HTT: variants seen among roughly 807,000 people sequenced by gnomAD.
HTT encodes the protein huntingtin.
Under a neutral mutation model 362.3 loss-of-function variants are expected in HTT, and 104 were observed. The ratio of observed to expected loss-of-function variants is 0.29; its 90% confidence interval spans 0.24 to 0.34. The LOEUF is 0.34. HTT is among the 10% of genes least tolerant of loss of function. The probability of loss-of-function intolerance (pLI) is 1.00; values close to 1 mark genes in which losing one functional copy is unlikely to be tolerated. For synonymous variants in HTT, 1,577 were observed against 1,548.7 expected (o/e 1.02, Z -0.43); for missense variants, 3,301 against 3,928.6 (o/e 0.84, Z 4.27).
Position 3,206,877 on chromosome 4 carries a change from C to T in HTT, c.5969C>T (p.Thr1990Met), listed in dbSNP as rs772994297. The change falls in exon 44 of 67, where the codon ACG becomes ATG. Residue 1990 changes from threonine to methionine, a missense_variant. Transcript: ENST00000355072. The surrounding 1 kb of genome is among the most constrained non-coding windows in gnomAD (Gnocchi z 4.6). ...IHLSQSGAVL[T>M]LYVDRLLCTP... ...CTCAGCCAGTCGGGAGCTGTGCTCA[C>T]GCTGTATGTGGACAGGCTTCTGTGC... is the stretch of plus-strand genomic sequence containing the variant. The T allele has an allele frequency of 6.2e-6, 10 of 1,613,990 alleles. No homozygotes were observed. The highest frequency in any genetic ancestry group is 1.7e-5 in the Admixed American group (1 of 60,008).
chr4:3,237,780 G>A (rs951780092), intron 64 of HTT, among the ~76,000 whole-genome samples: 22 of 152,228 alleles, frequency 1.4e-4, no homozygotes, highest in Admixed American at 3.9e-4. Flanking sequence ...CTGATGAGAC[G>A]GGAACGTGAT....
chr4:3,078,076 G>A (rs968889003), intron 1 of HTT, among the ~76,000 whole-genome samples: 1 of 152,242 alleles, frequency 6.6e-6, no homozygotes, highest in African/African-American at 2.4e-5. Context: ...CAGCATACAG[G>A]ATGCAGGAGT....
At chr4:3,165,363 C>G (rs1717649556) in intron 29 of HTT, among the ~76,000 whole-genome samples, 1 of 152,058 alleles carries the variant, frequency 6.6e-6, no homozygotes, top group Non-Finnish European at 1.5e-5. Flanking sequence ...TCATTTCAAT[C>G]TTGGTGGATC....
In HTT at chr4:3,199,780, A is replaced by T; in HGVS notation, c.5417A>T (p.Asp1806Val). The change falls in exon 41 of 67, where the codon GAT becomes GTT. Residue 1806 changes from aspartate to valine, a missense_variant. By Grantham distance (152) the Asp-to-Val change is radical. Coordinates refer to ENST00000355072, the MANE Select transcript of HTT (RefSeq NM_001388492.1). ...GCTGCCACTAGGCTGTTCCGCAGTGATGGCTGTGGCGGCAGTTTCTACACC... is the reference window on the plus strand; with the variant it reads ...GCTGCCACTAGGCTGTTCCGCAGTGTTGGCTGTGGCGGCAGTTTCTACACC... ...TAAATRLFRS[D>V]GCGGSFYTLD... The T allele has an allele frequency of 6.2e-7, 1 of 1,614,192 alleles. No homozygotes were observed. Among genetic ancestry groups the T allele is most frequent in the South Asian group, 1.1e-5 (1 of 91,080 alleles).
intron 36 of HTT, among the ~76,000 whole-genome samples, chr4:3,181,321 G>A (rs1025979745): frequency 6.6e-6 from 1 of 152,168 alleles, no homozygotes; most frequent in Non-Finnish European, 1.5e-5. Flanking sequence ...GGTCAAGATG[G>A]TAGAAACCTT....
intron 3 of HTT, among the ~76,000 whole-genome samples, chr4:3,102,409 G>T (rs921772731): frequency 5.3e-5 from 8 of 152,220 alleles, no homozygotes; most frequent in Admixed American, 4.6e-4. Context: ...CTAAATCAAG[G>T]TTTGATAAGG....
In HTT at chr4:3,075,758, T is replaced by G. The variant is rs904800404; in HGVS notation, c.263+670T>G. On this transcript the variant is annotated intron_variant, in intron 1 of 66. Coordinates refer to ENST00000355072, the MANE Select transcript of HTT (RefSeq NM_001388492.1). ...TCCTACATTGTCAGGACATTTCATT[T>G]AGTTCATGATCACGGTGGTAGTAAC... Among the ~76,000 whole-genome samples, 16 of 152,082 alleles carry G rather than the reference T, an allele frequency of 1.1e-4. 1 individual carries two copies. Among genetic ancestry groups the G allele is most frequent in the Admixed American group, 7.9e-4 (12 of 15,274 alleles).
intron 51 of HTT, 82 bp from the exon 52 acceptor site, chr4:3,217,683 G>T: frequency 1.6e-6 from 2 of 1,214,680 alleles, no homozygotes; most frequent in Non-Finnish European, 2.3e-6. Context: ...AGCTTGAGCA[G>T]CTGGTTGTAG....
intron 2 of HTT, among the ~76,000 whole-genome samples, chr4:3,098,605 A>G (rs1321145731): frequency 6.6e-6 from 1 of 152,238 alleles, no homozygotes; most frequent in South Asian, 2.1e-4. Flanking sequence ...ATGATGGCCT[A>G]AACAGCTTCT....
intron 10 of HTT, among the ~76,000 whole-genome samples, chr4:3,124,447 A>G (rs1301458845): frequency 6.6e-6 from 1 of 152,210 alleles, no homozygotes; most frequent in Non-Finnish European, 1.5e-5. Context: ...TGCCCAAATT[A>G]TAAGACAGAT....
intron 12 of HTT, 68 bp downstream of exon 12, chr4:3,127,672 G>A (rs1715586618): frequency 8.4e-7 from 1 of 1,189,234 alleles, no homozygotes; most frequent in African/African-American, 1.5e-5. Flanking sequence ...TCACTCCATA[G>A]TGCAGTGGAG....
Position 3,238,903 on chromosome 4 carries a change from C to A in HTT, c.9140C>A (p.Ala3047Asp). The A allele has an allele frequency of 6.2e-7, 1 of 1,611,602 alleles. No homozygotes were observed. The highest frequency in any genetic ancestry group is 8.5e-7 in the Non-Finnish European group (1 of 1,179,536). ...TCCCTCTCCAACTTCACGCAGAGGG[C>A]CCCGGTCGCCATGGCCACGTGGAGC... is the stretch of plus-strand genomic sequence containing the variant. ...MLSLSNFTQR[A>D]PVAMATWSLS... Residue 3047 changes from alanine (A) to aspartate (D), a missense_variant, in exon 66 of 67, where the codon GCC (alanine) becomes GAC (aspartate). Physicochemically the swap from Ala to Asp is moderately radical, Grantham distance 126. This residue lies in a region of HTT where 753 missense variants were observed against 1,021.3 expected (regional missense o/e 0.74). Transcript: ENST00000355072.
chr4:3,091,052 C>T (rs992016786), intron 2 of HTT, among the ~76,000 whole-genome samples: 2 of 152,148 alleles, frequency 1.3e-5, no homozygotes, highest in Non-Finnish European at 2.9e-5. Context: ...GTACAGGTTG[C>T]GGTGAGCCTA....
At chr4:3,152,289 G>A (rs1578541918) in intron 26 of HTT, among the ~76,000 whole-genome samples, 2 of 151,876 alleles carry the variant, frequency 1.3e-5, no homozygotes, top group African/African-American at 2.4e-5. Flanking sequence ...TAGTAGAGAC[G>A]GGGTTTCACC....
chr4:3,121,116 A>C (rs987073328), intron 8 of HTT, 112 bp from the exon 9 acceptor site: 3 of 655,984 alleles, frequency 4.6e-6, no homozygotes, highest in African/African-American at 1.8e-5. Flanking sequence ...TTAGGGGGAG[A>C]AGTTAAGGTA....
At chr4:3,136,425 A>G (rs1430629184) in intron 21 of HTT, 99 bp downstream of exon 21, 4 of 546,862 alleles carry the variant, frequency 7.3e-6, no homozygotes, top group Middle Eastern at 4.8e-4. Context: ...GTAGAGCAGT[A>G]TTCCTGAATC....
At chr4:3,099,205 A>G in intron 2 of HTT, 69 bp from the exon 3 acceptor site, 3 of 1,011,254 alleles carry the variant, frequency 3.0e-6, no homozygotes, top group Non-Finnish European at 4.6e-6. Context: ...GACACCGGAT[A>G]CCTCATTACA....
intron 28 of HTT, among the ~76,000 whole-genome samples, chr4:3,159,215 G>A (rs1717318584): frequency 6.6e-6 from 1 of 152,084 alleles, no homozygotes. Flanking sequence ...TTGGTTTCGA[G>A]TCTCCACAGA....
intron 26 of HTT, among the ~76,000 whole-genome samples, chr4:3,152,723 C>T (rs771665946): frequency 2.0e-5 from 3 of 150,696 alleles, no homozygotes; most frequent in South Asian, 2.1e-4. Flanking sequence ...TAAATTGTGA[C>T]GGAACTTCTG....
Sources: allele counts gnomAD v4.1 joint callset (sites outside exome capture counted in the v4.1 genomes callset), GRCh38; gene constraint gnomAD v4.1.1; regional missense constraint gnomAD v4.1.1; non-coding constraint Gnocchi (gnomAD v3.1); transcripts MANE v1.5; gene names NCBI Gene and HGNC (gene_info 2026-07-23, HGNC 2026-07-21).